The following ABL2 variants were observed in gnomAD, a reference collection of about 807,000 sequenced individuals.
ABL2 encodes the protein ABL proto-oncogene 2, non-receptor tyrosine kinase, also known as tyrosine-protein kinase ABL2.
Under a neutral mutation model 107.7 loss-of-function variants are expected in ABL2, and 49 were observed. The observed-to-expected ratio is 0.45, with a 90% CI of 0.36 to 0.58. The LOEUF is 0.58. Among genes scored for constraint, ABL2 ranks in the 20% least tolerant of loss-of-function variants. The probability of loss-of-function intolerance (pLI) is 0.00; values close to 1 mark genes in which losing one functional copy is unlikely to be tolerated. For synonymous variants in ABL2, 549 were observed against 548.6 expected (o/e 1.00, Z -0.01); for missense variants, 1,245 against 1,457.0 (o/e 0.85, Z 2.37).
chr1:179,189,665 C>G (rs1660887202), intron 1 of ABL2, among the ~76,000 whole-genome samples: 1 of 152,210 alleles, frequency 6.6e-6, no homozygotes, highest in East Asian at 1.9e-4. Context: ...AGTGTTTTGG[C>G]CTACTCTCAC....
rs772599456 is a variant in ABL2, at chr1:179,229,418, G to A, written c.-21C>T. 6.7e-7 allele frequency: 1 copy of A among 1,485,382 alleles called. No homozygotes were observed. Among genetic ancestry groups the A allele is most frequent in the South Asian group, 1.4e-5 (1 of 73,266 alleles). 92.0% of individuals were successfully genotyped at this position (1,485,382 alleles called of 1,614,324 possible). On this transcript the variant is annotated 5_prime_UTR_variant, in exon 1 of 12. Transcript: ENST00000502732. The stretch of plus-strand genomic sequence containing the variant: ...CCCATCCCTGCTCTCGCGTACTCCC[G>A]CGCCCCCGCCGACCCCTGGTCACAT...
Position 179,126,605 on chromosome 1 carries a change from C to A in ABL2, c.459G>T (p.Gly153=), listed in dbSNP as rs1274237222. The A allele has an allele frequency of 1.2e-6, 2 of 1,614,182 alleles. No individual in the cohort carries two copies. The highest frequency in any genetic ancestry group is 1.3e-5 in the African/African-American group (1 of 75,036). ...TGTAGTTGCTTGGCACCCAGCCCTG[C>A]CCATTCTTAGAGCGAACTTCACTCC... ...GEWSEVRSKN[G]QGWVPSNYIT... Residue 153 remains glycine (G), a synonymous_variant, in exon 4 of 12, where the codon GGG becomes GGT. Coordinates refer to ENST00000502732, the MANE Select transcript of ABL2 (RefSeq NM_007314.4). The surrounding 1 kb of genome is among the most constrained non-coding windows in gnomAD (Gnocchi z 4.4).
chr1:179,229,372 C>T lies in ABL2; in HGVS notation c.26G>A (p.Gly9Glu), dbSNP rs1239814206. Residue 9 changes from glycine (G) to glutamate (E), a missense_variant, in exon 1 of 12, where the codon GGG becomes GAG. By Grantham distance (98) the Gly-to-Glu change is moderately conservative. Around this residue, in one of 3 missense-constraint regions of ABL2, gnomAD observed 164 missense variants for 143.7 expected, o/e 1.14. Coordinates refer to ENST00000502732, the MANE Select transcript of ABL2 (RefSeq NM_007314.4). The stretch of plus-strand genomic sequence containing the variant: ...AGGCTGCTGGAGCCCCGGAGCTTCC[C>T]CGACGCGGCCCACCTGCTGCCCCAT... The part of the protein sequence containing the change: MGQQVGRV[G>E]EAPGLQQPQP... The T allele has an allele frequency of 6.4e-7, 1 of 1,565,122 alleles. No individual in the cohort carries two copies. The highest frequency in any genetic ancestry group is 1.2e-5 in the South Asian group (1 of 84,548).
At chr1:179,196,876 A>C (rs1437796325) in intron 1 of ABL2, among the ~76,000 whole-genome samples, 1 of 152,198 alleles carries the variant, frequency 6.6e-6, no homozygotes, top group African/African-American at 2.4e-5. Context: ...TTTTTTTATA[A>C]GACCAGATTT....
intron 1 of ABL2, among the ~76,000 whole-genome samples, chr1:179,228,747 G>C (rs985532962): frequency 6.6e-6 from 1 of 152,164 alleles, no homozygotes; most frequent in Non-Finnish European, 1.5e-5. Context: ...ACTGTCCACA[G>C]TTCACTATCC....
In ABL2 at chr1:179,109,223, T is replaced by C. The variant is rs776630224; in HGVS notation, c.2044A>G (p.Lys682Glu). 1 of 1,614,034 alleles carries C rather than the reference T, an allele frequency of 6.2e-7. No homozygotes were observed. The highest frequency in any genetic ancestry group is 1.1e-5 in the South Asian group (1 of 91,048). Reference sequence around the variant, plus strand: ...GAGAAGTTACCCGTGAGTTCGTATTTCTTATGGGGCTGATTCTCCATTTCT... The same window carrying C: ...GAGAAGTTACCCGTGAGTTCGTATTCCTTATGGGGCTGATTCTCCATTTCT... ...FREMENQPHK[K>E]YELTGNFSSV... The change falls in exon 12 of 12, where the codon AAA becomes GAA. Residue 682 changes from lysine (K) to glutamate (E), a missense_variant. Lys to Glu is a moderately conservative substitution (Grantham distance 56, BLOSUM62 1). Coordinates refer to ENST00000502732, the MANE Select transcript of ABL2 (RefSeq NM_007314.4).
At position 179,218,233 on chromosome 1, in the gene ABL2, C is replaced by T. The variant is rs536942666; in HGVS notation, c.157+11008G>A. On this transcript the variant is annotated intron_variant, in intron 1 of 11. Transcript: ENST00000502732. ...TGTCTCTCAAGAGACCTCTAATGTA[C>T]GAACTTTTAGAGATAAACCACCAAA... is the stretch of plus-strand genomic sequence containing the variant. Among the ~76,000 whole-genome samples the T allele has an allele frequency of 2.0e-5, 3 of 152,120 alleles. No homozygotes were observed. The South Asian group carries it at 6.2e-4, about 32-fold the overall frequency.
intron 1 of ABL2, among the ~76,000 whole-genome samples, chr1:179,189,132 T>A (rs778061347): frequency 2.6e-5 from 4 of 152,104 alleles, no homozygotes; most frequent in Non-Finnish European, 5.9e-5. Context: ...TGTTTTTTGT[T>A]GTTGTTATTG....
At chr1:179,204,993 A>G (rs1661875086) in intron 1 of ABL2, among the ~76,000 whole-genome samples, 1 of 151,618 alleles carries the variant, frequency 6.6e-6, no homozygotes, top group Admixed American at 6.6e-5. Flanking sequence ...CCAAATATTT[A>G]GCAACCAGCA....
At chr1:179,164,997 C>T (rs757137661) in intron 1 of ABL2, among the ~76,000 whole-genome samples, 1 of 152,010 alleles carries the variant, frequency 6.6e-6, no homozygotes, top group Non-Finnish European at 1.5e-5. Context: ...ATAATAATTA[C>T]AATTTATATT....
chr1:179,216,804 C>T (rs1004717134), intron 1 of ABL2, among the ~76,000 whole-genome samples: 1 of 151,940 alleles, frequency 6.6e-6, no homozygotes, highest in African/African-American at 2.4e-5. Flanking sequence ...CTGCCTCAGC[C>T]TCCCGAGTAG....
chr1:179,188,648 A>G (rs1171872135), intron 1 of ABL2, among the ~76,000 whole-genome samples: 2 of 152,250 alleles, frequency 1.3e-5, no homozygotes, highest in African/African-American at 4.8e-5. Context: ...TAGTAAATAA[A>G]TATTTAGTTA....
At position 179,211,869 on chromosome 1, in the gene ABL2, C is replaced by T. The variant is rs142861836; in HGVS notation, c.157+17372G>A. 2.7e-3 allele frequency among the ~76,000 whole-genome samples: 417 copies of T among 152,228 alleles called. 1 individual carries two copies. Among genetic ancestry groups the T allele is most frequent in the African/African-American group, 8.9e-3 (371 of 41,534 alleles). ...AACTCAGATTAGTTCAAAGCACCTCCGTGGAATAAAATCTGCACTGTAACA... is the reference window on the plus strand; with the variant it reads ...AACTCAGATTAGTTCAAAGCACCTCTGTGGAATAAAATCTGCACTGTAACA... On this transcript the variant is annotated intron_variant, in intron 1 of 11. Transcript: ENST00000502732.
intron 10 of ABL2, among the ~76,000 whole-genome samples, chr1:179,111,792 C>A (rs1435538831): frequency 6.6e-6 from 1 of 152,068 alleles, no homozygotes; most frequent in Non-Finnish European, 1.5e-5. Flanking sequence ...ACATGTAATC[C>A]CAGCACTTTG....
At chr1:179,135,488 C>T (rs1348130807) in intron 1 of ABL2, among the ~76,000 whole-genome samples, 4 of 149,262 alleles carry the variant, frequency 2.7e-5, no homozygotes, top group Admixed American at 1.3e-4. Flanking sequence ...GGAGCCCCTC[C>T]GCCCGGCAGC....
At chr1:179,124,255 A>C (rs1372727671) in intron 4 of ABL2, among the ~76,000 whole-genome samples, 1 of 151,864 alleles carries the variant, frequency 6.6e-6, no homozygotes, top group Non-Finnish European at 1.5e-5. Context: ...GAAAAAAAAA[A>C]AAAGAAGCTT....
intron 1 of ABL2, among the ~76,000 whole-genome samples, chr1:179,137,603 A>C (rs1195578072): frequency 6.6e-6 from 1 of 152,228 alleles, no homozygotes; most frequent in Non-Finnish European, 1.5e-5. Flanking sequence ...TCAACAACCA[A>C]GTTAGAAATA....
At chr1:179,167,023 C>T (rs1163445193) in intron 1 of ABL2, among the ~76,000 whole-genome samples, 2 of 152,076 alleles carry the variant, frequency 1.3e-5, no homozygotes, top group Admixed American at 6.5e-5. Context: ...AATAGAACTA[C>T]CACACGATCC....
intron 1 of ABL2, among the ~76,000 whole-genome samples, chr1:179,199,472 T>G (rs953989977): frequency 1.3e-5 from 2 of 151,230 alleles, no homozygotes; most frequent in Non-Finnish European, 3.0e-5. Context: ...ACACAAACTT[T>G]ACCTTCTCTC....
Sources: gnomAD v4.1 joint callset for allele counts (sites outside exome capture counted in the v4.1 genomes callset) on GRCh38, gnomAD v4.1.1 for gene constraint, gnomAD v4.1.1 regional missense constraint, Gnocchi (gnomAD v3.1) non-coding constraint, MANE v1.5 for transcripts, NCBI Gene and HGNC (gene_info 2026-07-23, HGNC 2026-07-21) for gene names.